The following GALNT17 variants were observed in gnomAD, a reference collection of about 807,000 sequenced individuals.
GALNT17 encodes the protein polypeptide N-acetylgalactosaminyltransferase 17.
Under a neutral mutation model 63.7 loss-of-function variants are expected in GALNT17, and 29 were observed. The ratio of observed to expected loss-of-function variants is 0.46; its 90% CI spans 0.34 to 0.62. GALNT17 has a LOEUF of 0.62. Among genes scored for constraint, GALNT17 ranks in the 20% least tolerant of loss-of-function variants. GALNT17 has a pLI of 0.01. For missense variants in GALNT17, 603 were observed against 799.6 expected (o/e 0.75, Z 2.97); for synonymous variants, 305 against 318.3 (o/e 0.96, Z 0.45).
chr7:71,198,286 A>G (rs543602966), intron 1 of GALNT17, among the ~76,000 whole-genome samples: 1 of 152,126 alleles, frequency 6.6e-6, no homozygotes, highest in South Asian at 2.1e-4. Context: ...GTGGCCCCCA[A>G]CAAATGTTGG....
chr7:71,506,392 G>A (rs888929235), intron 5 of GALNT17, among the ~76,000 whole-genome samples: 8 of 151,830 alleles, frequency 5.3e-5, no homozygotes, highest in South Asian at 2.1e-4. Flanking sequence ...TCAGCCTCCC[G>A]AGTAGCTGGG....
chr7:71,359,264 G>A (rs1475843098), intron 2 of GALNT17, among the ~76,000 whole-genome samples: 2 of 152,190 alleles, frequency 1.3e-5, no homozygotes, highest in African/African-American at 4.8e-5. Flanking sequence ...CTCAGGTTCT[G>A]TCGAATGCTT....
intron 1 of GALNT17, among the ~76,000 whole-genome samples, chr7:71,137,139 C>CTTTTTTT (rs398005145): frequency 8.5e-6 from 1 of 117,360 alleles, no homozygotes; most frequent in Non-Finnish European, 1.7e-5. Context: ...ATATTTTTGA[C>CTTTTTTT]TTTTTTTTTT....
chr7:71,156,550 A>G (rs1326251068), intron 1 of GALNT17, among the ~76,000 whole-genome samples: 2 of 149,908 alleles, frequency 1.3e-5, no homozygotes, highest in Non-Finnish European at 3.0e-5. Flanking sequence ...GGCTGTTGTG[A>G]CAATTAAATT....
intron 5 of GALNT17, among the ~76,000 whole-genome samples, chr7:71,438,994 C>G (rs1308765646): frequency 6.6e-6 from 1 of 151,774 alleles, no homozygotes; most frequent in Non-Finnish European, 1.5e-5. Flanking sequence ...AAGGGATCCT[C>G]CCACCTCAGC....
chr7:71,135,302 G>A (rs775270610), intron 1 of GALNT17, among the ~76,000 whole-genome samples: 1 of 152,180 alleles, frequency 6.6e-6, no homozygotes, highest in Non-Finnish European at 1.5e-5. Context: ...TTATCTCACT[G>A]TATGTTCACA....
chr7:71,540,821 CTTAG>C (rs1226188032), intron 5 of GALNT17, among the ~76,000 whole-genome samples: 6 of 152,168 alleles, frequency 3.9e-5, no homozygotes, highest in Non-Finnish European at 7.3e-5. Context: ...GGGCCATTTT[CTTAG>C]TTAACACAGG....
intron 3 of GALNT17, among the ~76,000 whole-genome samples, chr7:71,392,795 A>G (rs907188678): frequency 6.6e-6 from 1 of 151,948 alleles, no homozygotes; most frequent in African/African-American, 2.4e-5. Context: ...CCCTCTTTTC[A>G]GTTCCTGGTT....
chr7:71,687,933 A>G (rs1363114796), intron 9 of GALNT17, among the ~76,000 whole-genome samples: 1 of 151,964 alleles, frequency 6.6e-6, no homozygotes, highest in Non-Finnish European at 1.5e-5. Flanking sequence ...CCTAGGCTCG[A>G]GTGATTCTCC....
rs953031894 is a variant in GALNT17, at chr7:71,314,127, C to T, written c.239-21423C>T. Among the ~76,000 whole-genome samples the T allele has an allele frequency of 5.3e-5, 8 of 152,258 alleles. No homozygotes were observed. The South Asian group carries it at 6.2e-4, about 12-fold the overall frequency. On this transcript the variant is annotated intron_variant, in intron 1 of 10. Transcript: ENST00000333538. ...AGAACAGTGAATTGTTCTGTCTTTA[C>T]AAAACCAAACGCAATTGAAATATTT...
At chr7:71,282,327 C>A (rs750466650) in intron 1 of GALNT17, among the ~76,000 whole-genome samples, 7 of 152,190 alleles carry the variant, frequency 4.6e-5, no homozygotes, top group Non-Finnish European at 7.3e-5. Flanking sequence ...AGATGGGAAC[C>A]TTTTAGCCTG....
chr7:71,611,971 C>T (rs893155926), intron 6 of GALNT17, among the ~76,000 whole-genome samples: 2 of 152,112 alleles, frequency 1.3e-5, no homozygotes, highest in Admixed American at 6.5e-5. Context: ...CACACACTTA[C>T]CACCCAGCCA....
intron 5 of GALNT17, among the ~76,000 whole-genome samples, chr7:71,421,770 C>T (rs565591892): frequency 3.9e-5 from 6 of 152,076 alleles, no homozygotes; most frequent in East Asian, 3.9e-4. Flanking sequence ...GCCAACATGG[C>T]GAAACCCCTT....
rs181294028 is a variant in GALNT17 at position 71,632,692 on chromosome 7, G to A, written c.1081-32719G>A. ...GCTGGTGGAAACTCCTTCTCTCAGG[G>A]CCCAGACCAGGGGGAGGATTGTGAG... On this transcript the variant is annotated intron_variant, in intron 6 of 10. Transcript: ENST00000333538. 7.7e-4 allele frequency among the ~76,000 whole-genome samples: 117 copies of A among 152,252 alleles called. No individual in the cohort carries two copies. In the East Asian group the frequency reaches 0.016, roughly 21 times the overall value.
At chr7:71,704,659 A>G (rs1170570241) in intron 9 of GALNT17, among the ~76,000 whole-genome samples, 1 of 152,220 alleles carries the variant, frequency 6.6e-6, no homozygotes, top group East Asian at 1.9e-4. Context: ...ATAGTGTGGC[A>G]CAAAGATAGA....
At chr7:71,455,701 G>T (rs189796655) in intron 5 of GALNT17, among the ~76,000 whole-genome samples, 217 of 152,188 alleles carry the variant, frequency 1.4e-3, no homozygotes, top group African/African-American at 4.9e-3. Flanking sequence ...CAGCCAGCAC[G>T]GGGCATAGGG....
At chr7:71,534,321 C>T (rs368774679) in intron 5 of GALNT17, among the ~76,000 whole-genome samples, 12 of 151,980 alleles carry the variant, frequency 7.9e-5, no homozygotes, top group Non-Finnish European at 1.3e-4. Context: ...TCAGATTGGC[C>T]GGGCACAGTG....
chr7:71,510,789 T>G (rs1345473804), intron 5 of GALNT17, among the ~76,000 whole-genome samples: 1 of 152,118 alleles, frequency 6.6e-6, no homozygotes, highest in Non-Finnish European at 1.5e-5. Context: ...ATTCTATTGA[T>G]TGCATCCTCT....
At chr7:71,542,337 T>A (rs976832627) in intron 5 of GALNT17, among the ~76,000 whole-genome samples, 8 of 149,190 alleles carry the variant, frequency 5.4e-5, no homozygotes, top group Non-Finnish European at 8.9e-5. Flanking sequence ...TATTGGAATT[T>A]AAAAAAAAAA....
Sources: allele counts gnomAD v4.1 joint callset (sites outside exome capture counted in the v4.1 genomes callset), GRCh38; gene constraint gnomAD v4.1.1; transcripts MANE v1.5; gene names NCBI Gene and HGNC (gene_info 2026-07-23, HGNC 2026-07-21).